Variants in TBC1D22A observed in about 807,000 individuals in gnomAD.
TBC1D22A encodes TBC1 domain family member 22A, also known as putative GTPase activator.
TBC1D22A carries 38 observed loss-of-function variants against 60.2 expected under a neutral mutation model. The observed-to-expected ratio is 0.63, with a 90% CI of 0.49 to 0.83. TBC1D22A has a LOEUF of 0.83. Ranked by LOEUF, TBC1D22A falls within the 40% of genes least tolerant of loss-of-function variation. The pLI is 0.00. For missense variants in TBC1D22A, 628 were observed against 701.0 expected (o/e 0.90, Z 1.18); for synonymous variants, 302 against 281.7 (o/e 1.07, Z -0.72).
chr22:47,045,880 C>G (rs1905057708), intron 11 of TBC1D22A, among the ~76,000 whole-genome samples: 1 of 152,122 alleles, frequency 6.6e-6, no homozygotes, highest in South Asian at 2.1e-4. Context: ...GTGGCTGCAG[C>G]CTTGTCTCCA....
intron 11 of TBC1D22A, among the ~76,000 whole-genome samples, chr22:47,108,107 T>A (rs1309550011): frequency 7.2e-5 from 11 of 152,236 alleles, no homozygotes; most frequent in Non-Finnish European, 1.3e-4. Context: ...TTGCAAAGCA[T>A]GTATTTGATA....
intron 5 of TBC1D22A, among the ~76,000 whole-genome samples, chr22:46,885,403 G>T (rs1422742921): frequency 6.6e-6 from 1 of 152,228 alleles, no homozygotes; most frequent in Non-Finnish European, 1.5e-5. Flanking sequence ...GATAGGGACA[G>T]TGACGGCCTT....
At chr22:46,853,809 A>G (rs2147296039) in intron 4 of TBC1D22A, among the ~76,000 whole-genome samples, 1 of 152,184 alleles carries the variant, frequency 6.6e-6, no homozygotes, top group South Asian at 2.1e-4. Flanking sequence ...CTGGAGACTC[A>G]GCAGTGAGCA....
chr22:46,957,573 G>T (rs909236750), intron 8 of TBC1D22A, among the ~76,000 whole-genome samples: 2 of 152,232 alleles, frequency 1.3e-5, no homozygotes, highest in Non-Finnish European at 2.9e-5. Flanking sequence ...AACACGTGGG[G>T]ATTACAATTG....
intron 7 of TBC1D22A, among the ~76,000 whole-genome samples, chr22:46,906,409 A>G (rs374666246): frequency 2.0e-5 from 3 of 152,154 alleles, no homozygotes; most frequent in African/African-American, 7.2e-5. Context: ...CATTTAGGAT[A>G]GGTTAGCTGC....
intron 11 of TBC1D22A, among the ~76,000 whole-genome samples, chr22:47,086,644 T>C (rs757228458): frequency 2.0e-5 from 3 of 152,200 alleles, no homozygotes; most frequent in Non-Finnish European, 4.4e-5. Flanking sequence ...TATTTTATCA[T>C]AGGTAATATT....
In TBC1D22A at chr22:47,046,580, G is replaced by A. The variant is rs149204236; in HGVS notation, c.1329+9382G>A. ...GGGACACAGTGCCACTCACATTTGA[G>A]AGCTGGGCCCTGGCATGGGCATTGG... On this transcript the variant is annotated intron_variant, in intron 11 of 12. Transcript: ENST00000337137. 3.2e-3 allele frequency among the ~76,000 whole-genome samples: 486 copies of A among 152,334 alleles called. 3 individuals carry two copies. Among genetic ancestry groups the A allele is most frequent in the African/African-American group, 0.011 (463 of 41,572 alleles).
At chr22:46,855,566 G>T (rs755129898) in intron 4 of TBC1D22A, among the ~76,000 whole-genome samples, 1 of 152,200 alleles carries the variant, frequency 6.6e-6, no homozygotes, top group Admixed American at 6.5e-5. Context: ...ACCTTGTGCA[G>T]CCTGGGAGTC....
chr22:47,118,802 C>T (rs1211160283), intron 12 of TBC1D22A, among the ~76,000 whole-genome samples: 1 of 124,142 alleles, frequency 8.1e-6, no homozygotes, highest in East Asian at 2.2e-4. Flanking sequence ...CACACACACA[C>T]ACACACACAC....
intron 12 of TBC1D22A, among the ~76,000 whole-genome samples, chr22:47,171,268 C>T (rs186760837): frequency 6.6e-6 from 1 of 152,364 alleles, no homozygotes; most frequent in Non-Finnish European, 1.5e-5. Flanking sequence ...AGGCAGGCGA[C>T]ATGGGCATCC....
rs532080088 is a variant in TBC1D22A at position 47,090,423 on chromosome 22, G to A, written c.1330-21085G>A. ...TGTGCTCGTCCCCTACTGCCACTCT[G>A]CCCCGTGTTCCAGCAGCCGAGTAAC... On this transcript the variant is annotated intron_variant, in intron 11 of 12. Coordinates refer to ENST00000337137, the MANE Select transcript of TBC1D22A (RefSeq NM_014346.5). Among the ~76,000 whole-genome samples the A allele has an allele frequency of 3.1e-4, 47 of 152,340 alleles. No individual in the cohort carries two copies. The South Asian group carries it at 9.3e-3, about 30-fold the overall frequency.
intron 1 of TBC1D22A, among the ~76,000 whole-genome samples, chr22:46,786,607 G>A (rs1329581369): frequency 2.0e-5 from 3 of 152,096 alleles, no homozygotes; most frequent in Non-Finnish European, 4.4e-5. Context: ...TTATCTATTT[G>A]GTAGAATTTA....
chr22:46,772,601 CATATACAT>C (rs56273590), intron 1 of TBC1D22A, among the ~76,000 whole-genome samples: 47,929 of 76,932 alleles, frequency 0.62, 16,521 homozygotes, highest in Non-Finnish European at 0.65. Flanking sequence ...TGTATACACA[CATATACAT>C]ATATACATAT....
intron 12 of TBC1D22A, among the ~76,000 whole-genome samples, chr22:47,165,938 G>T (rs939598377): frequency 6.6e-6 from 1 of 152,206 alleles, no homozygotes; most frequent in South Asian, 2.1e-4. Context: ...TCCCCGCGTC[G>T]CATGTCACCG....
chr22:47,119,311 G>A (rs1200407697), intron 12 of TBC1D22A, among the ~76,000 whole-genome samples: 1 of 152,140 alleles, frequency 6.6e-6, no homozygotes, highest in Non-Finnish European at 1.5e-5. Context: ...CCGCTGGAAA[G>A]AAGCAGCAGG....
intron 7 of TBC1D22A, among the ~76,000 whole-genome samples, chr22:46,907,012 CTG>C (rs946499906): frequency 1.3e-4 from 20 of 152,044 alleles, no homozygotes; most frequent in African/African-American, 4.6e-4. Context: ...GGGCTTTTCT[CTG>C]TGTGCACGCT....
chr22:46,874,208 AT>A (rs2147455258), intron 4 of TBC1D22A, among the ~76,000 whole-genome samples: 1 of 152,238 alleles, frequency 6.6e-6, no homozygotes, highest in South Asian at 2.1e-4. Flanking sequence ...GGTTGATTCC[AT>A]GTCTTTGCTA....
At chr22:46,931,158 G>C (rs2071338640) in intron 8 of TBC1D22A, among the ~76,000 whole-genome samples, 2 of 152,282 alleles carry the variant, frequency 1.3e-5, no homozygotes, top group South Asian at 4.1e-4. Flanking sequence ...AGCTGATAGT[G>C]AAATCAAAGG....
intron 4 of TBC1D22A, among the ~76,000 whole-genome samples, chr22:46,861,077 C>A (rs1387316673): frequency 6.6e-6 from 1 of 152,118 alleles, no homozygotes; most frequent in African/African-American, 2.4e-5. Flanking sequence ...CCTATCTCAG[C>A]CTCCCGAGTA....
Sources: gnomAD v4.1 joint callset for allele counts (sites outside exome capture counted in the v4.1 genomes callset) on GRCh38, gnomAD v4.1.1 for gene constraint, MANE v1.5 for transcripts, NCBI Gene and HGNC (gene_info 2026-07-23, HGNC 2026-07-21) for gene names.